The following PTPRD variants were observed in gnomAD, a reference collection of about 807,000 sequenced individuals.
PTPRD encodes the protein receptor-type tyrosine-protein phosphatase delta.
A neutral mutation model predicts 214.5 loss-of-function variants in PTPRD; 34 were observed. The observed-to-expected ratio is 0.16, with a 90% CI of 0.12 to 0.21. The LOEUF is 0.21. Among genes scored for constraint, PTPRD ranks in the 10% least tolerant of loss-of-function variants. The pLI is 1.00. For missense variants in PTPRD, 2,545 were observed against 2,398.7 expected (o/e 1.06, Z -1.27); for synonymous variants, 1,128 against 845.7 (o/e 1.33, Z -5.79).
intron 3 of PTPRD, among the ~76,000 whole-genome samples, chr9:10,167,665 C>T (rs1275679956): frequency 6.6e-6 from 1 of 152,168 alleles, no homozygotes; most frequent in Non-Finnish European, 1.5e-5. Context: ...TTATTCTTAG[C>T]ATACTTCCAA....
chr9:8,408,242 A>T (rs1467510641), intron 35 of PTPRD, among the ~76,000 whole-genome samples: 1 of 152,200 alleles, frequency 6.6e-6, no homozygotes, highest in African/African-American at 2.4e-5. Flanking sequence ...TTTACTATAA[A>T]GCTAAGCTGA....
chr9:9,053,719 T>C (rs1351427763), intron 10 of PTPRD, among the ~76,000 whole-genome samples: 2 of 152,102 alleles, frequency 1.3e-5, no homozygotes, highest in African/African-American at 4.8e-5. Context: ...TTTAAATAAA[T>C]GTTGTCAAAT....
At chr9:9,205,709 A>G (rs1593520617) in intron 9 of PTPRD, among the ~76,000 whole-genome samples, 1 of 152,316 alleles carries the variant, frequency 6.6e-6, no homozygotes, top group East Asian at 1.9e-4. Flanking sequence ...CCAAGTCAAT[A>G]CAGTATAACT....
intron 7 of PTPRD, among the ~76,000 whole-genome samples, chr9:9,713,800 T>C (rs1272617263): frequency 6.6e-6 from 1 of 152,122 alleles, no homozygotes; most frequent in Non-Finnish European, 1.5e-5. Context: ...TCAATAAAAT[T>C]ATGGCCACTT....
chr9:10,110,138 T>C (rs1176700806), intron 3 of PTPRD, among the ~76,000 whole-genome samples: 1 of 152,210 alleles, frequency 6.6e-6, no homozygotes, highest in Non-Finnish European at 1.5e-5. Context: ...ACAAACCGTC[T>C]GCTAAGTACT....
At chr9:10,236,848 G>C (rs941354131) in intron 3 of PTPRD, among the ~76,000 whole-genome samples, 3 of 151,410 alleles carry the variant, frequency 2.0e-5, no homozygotes. Context: ...AATATTTTAA[G>C]GTTAATTTTT....
chr9:10,127,677 T>A (rs2098829926), intron 3 of PTPRD, among the ~76,000 whole-genome samples: 1 of 152,178 alleles, frequency 6.6e-6, no homozygotes, highest in African/African-American at 2.4e-5. Context: ...TTATATAAAA[T>A]ATACAACCTA....
At chr9:9,121,518 G>A (rs2099817603) in intron 10 of PTPRD, among the ~76,000 whole-genome samples, 1 of 152,160 alleles carries the variant, frequency 6.6e-6, no homozygotes. Flanking sequence ...AACAGCATTT[G>A]CAATGACCTG....
chr9:9,056,449 C>T (rs1569514477), intron 10 of PTPRD, among the ~76,000 whole-genome samples: 4 of 152,200 alleles, frequency 2.6e-5, no homozygotes, highest in Admixed American at 2.6e-4. Flanking sequence ...AAGTGCTGAC[C>T]ACCTAACCTG....
At position 9,091,467 on chromosome 9, in the gene PTPRD, G is replaced by C. The variant is rs1008042991; in HGVS notation, c.-142-72732C>G. ...CAGATTGTTTCCCAAGACTTCAGTAGGCTTATAGGAATTCTAGGTAGCTTC... is the reference window on the plus strand; with the variant it reads ...CAGATTGTTTCCCAAGACTTCAGTACGCTTATAGGAATTCTAGGTAGCTTC... On this transcript the variant is annotated intron_variant, in intron 10 of 45. Coordinates refer to ENST00000381196, the MANE Select transcript of PTPRD (RefSeq NM_002839.4). Among the ~76,000 whole-genome samples, 3 of 152,126 alleles carry C rather than the reference G, an allele frequency of 2.0e-5. No individual in the cohort carries two copies. In the East Asian group the frequency reaches 5.8e-4, roughly 29 times the overall value.
At chr9:9,289,225 T>C (rs1487496802) in intron 9 of PTPRD, among the ~76,000 whole-genome samples, 2 of 151,848 alleles carry the variant, frequency 1.3e-5, no homozygotes, top group Non-Finnish European at 2.9e-5. Context: ...CAAAAATTTA[T>C]AAAAAATTGT....
Position 8,540,543 on chromosome 9 carries a change from TTTTA to T in PTPRD, c.353-11768_353-11765del, listed in dbSNP as rs970603047. 5.3e-5 allele frequency among the ~76,000 whole-genome samples: 8 copies of T among 152,184 alleles called. No individual in the cohort carries two copies. In the South Asian group the frequency reaches 6.2e-4, roughly 12 times the overall value. On this transcript the variant is annotated intron_variant, in intron 14 of 45. Coordinates refer to ENST00000381196, the MANE Select transcript of PTPRD (RefSeq NM_002839.4). Reference sequence around the variant, plus strand: ...TAATAACATAATGCACGTTTATTATTTTTATTTAGAGAAATGATAAAGTCTGATA... The same window carrying T: ...TAATAACATAATGCACGTTTATTATTTTTAGAGAAATGATAAAGTCTGATA...
At chr9:9,832,503 A>T (rs1463147394) in intron 5 of PTPRD, among the ~76,000 whole-genome samples, 1 of 152,028 alleles carries the variant, frequency 6.6e-6, no homozygotes, top group Non-Finnish European at 1.5e-5. Flanking sequence ...TAGCATGCCT[A>T]AAAATTAATT....
intron 3 of PTPRD, among the ~76,000 whole-genome samples, chr9:10,034,500 T>G (rs1405524761): frequency 6.6e-6 from 1 of 151,398 alleles, no homozygotes; most frequent in African/African-American, 2.4e-5. Flanking sequence ...AGGCGTTTGT[T>G]GTGCCTATTA....
chr9:10,150,117 A>C (rs1302885283), intron 3 of PTPRD, among the ~76,000 whole-genome samples: 1 of 152,190 alleles, frequency 6.6e-6, no homozygotes, highest in African/African-American at 2.4e-5. Context: ...AAATCTAGAC[A>C]CTAGAAATAA....
intron 3 of PTPRD, among the ~76,000 whole-genome samples, chr9:10,223,222 C>G (rs974630660): frequency 6.6e-6 from 1 of 151,830 alleles, no homozygotes; most frequent in African/African-American, 2.4e-5. Flanking sequence ...CCCTTCTCCC[C>G]TTCCTCTTCC....
In PTPRD at chr9:9,610,036, T is replaced by C. The variant is rs188508275; in HGVS notation, c.-286-35255A>G. Among the ~76,000 whole-genome samples the C allele has an allele frequency of 1.1e-3, 167 of 152,266 alleles. 4 individuals are homozygous for C. The highest frequency in any genetic ancestry group is 0.01 in the Admixed American group (153 of 15,294). On this transcript the variant is annotated intron_variant, in intron 7 of 45. Transcript: ENST00000381196. ...CCTTCTTTCCAGCCTTCTCCTCTCA[T>C]TTATGTTAGTAGTCTGGATTCCGTA...
chr9:10,338,230 G>A lies in PTPRD; in HGVS notation c.-545+2733C>T, dbSNP rs1457315144. 2.0e-5 allele frequency among the ~76,000 whole-genome samples: 3 copies of A among 151,586 alleles called. No individual in the cohort carries two copies. In the East Asian group the frequency reaches 5.9e-4, roughly 30 times the overall value. On this transcript the variant is annotated intron_variant, in intron 3 of 45. Transcript: ENST00000381196. ...TTCTCAGCACAATTGGCTACCAGGAGTCATGTATAGTAAGTGCTATAGCTC... is the reference window on the plus strand; with the variant it reads ...TTCTCAGCACAATTGGCTACCAGGAATCATGTATAGTAAGTGCTATAGCTC...
intron 5 of PTPRD, among the ~76,000 whole-genome samples, chr9:9,918,804 A>G (rs1227950077): frequency 2.0e-5 from 3 of 152,114 alleles, no homozygotes; most frequent in Admixed American, 2.0e-4. Flanking sequence ...ACTGTTGAAA[A>G]GGTAGTATCT....
Sources: allele counts gnomAD v4.1 joint callset (sites outside exome capture counted in the v4.1 genomes callset), GRCh38; gene constraint gnomAD v4.1.1; transcripts MANE v1.5; gene names NCBI Gene and HGNC (gene_info 2026-07-23, HGNC 2026-07-21).